FAM234B: variants seen among roughly 807,000 people sequenced by gnomAD.
FAM234B encodes the protein protein FAM234B.
A neutral mutation model predicts 69.3 loss-of-function variants in FAM234B; 33 were observed. The observed-to-expected ratio is 0.48, with a 90% CI of 0.36 to 0.64. The LOEUF is 0.64. Ranked by LOEUF, FAM234B falls within the 30% of genes least tolerant of loss-of-function variation. The pLI is 0.00. For synonymous variants in FAM234B, 306 were observed against 306.9 expected (o/e 1.00, Z 0.03); for missense variants, 697 against 769.7 (o/e 0.91, Z 1.12).
At position 13,055,682 on chromosome 12, in the gene FAM234B, G is replaced by A. The variant is rs1229507582; in HGVS notation, c.169G>A (p.Ala57Thr). 1.9e-6 allele frequency: 3 copies of A among 1,614,252 alleles called. No individual in the cohort carries two copies. The highest frequency in any genetic ancestry group is 2.5e-6 in the Non-Finnish European group (3 of 1,180,040). Reference protein sequence around the residue: ...VKNGKSPLGEAPEPDSDAEVA... With the variant: ...VKNGKSPLGETPEPDSDAEVA... ...AAATGGGAAGAGTCCTTTGGGAGAAGCGCCAGAACCCGACTCAGATGCTGA... is the reference window on the plus strand; with the variant it reads ...AAATGGGAAGAGTCCTTTGGGAGAAACGCCAGAACCCGACTCAGATGCTGA... Residue 57 changes from alanine (A) to threonine (T), a missense_variant, in exon 2 of 13, where the codon GCG (alanine) becomes ACG (threonine). Transcript: ENST00000197268.
At position 13,080,640 on chromosome 12, in the gene FAM234B, A is replaced by C. The variant is rs138781360; in HGVS notation, c.*10A>C. 3.1e-6 allele frequency: 5 copies of C among 1,604,142 alleles called. No individual in the cohort carries two copies. The Admixed American group carries it at 8.3e-5, about 27-fold the overall frequency. On this transcript the variant is annotated 3_prime_UTR_variant, in exon 13 of 13. Transcript: ENST00000197268. ...TTTTCCATAGATCTAATCTGATGGAATCTTCAGTTGCAGAAGAAGTGAACA... is the reference window on the plus strand; with the variant it reads ...TTTTCCATAGATCTAATCTGATGGACTCTTCAGTTGCAGAAGAAGTGAACA...
At chr12:13,068,470 T>G in intron 8 of FAM234B, 23 bp downstream of exon 8, 1 of 1,610,786 alleles carries the variant, frequency 6.2e-7, no homozygotes, top group Non-Finnish European at 8.5e-7. Context: ...TTCCTTCTTG[T>G]GTTTGCTGTT....
rs377157414 is a variant in FAM234B at position 13,068,651 on chromosome 12, C to G, written c.1308C>G (p.Phe436Leu). 17 of 1,612,564 alleles carry G rather than the reference C, an allele frequency of 1.1e-5. No homozygotes were observed. Among genetic ancestry groups the G allele is most frequent in the Non-Finnish European group, 1.4e-5 (16 of 1,178,810 alleles). The change falls in exon 9 of 13, where the codon TTC (phenylalanine) becomes TTG (leucine). Residue 436 changes from phenylalanine to leucine, a missense_variant. Physicochemically the swap from Phe to Leu is conservative, Grantham distance 22 (BLOSUM62 0). This residue lies in a region of FAM234B where 313 missense variants were observed against 305.5 expected (regional missense o/e 1.02). Transcript: ENST00000197268. ...GCAGCCAGCCTACTCCTGGATATTT[C>G]ACTGATGATCAGACATTAGATTTCC... ...GLRSQPTPGY[F>L]TDDQTLDFLL... is the part of the protein sequence containing the mutation.
Position 13,044,976 on chromosome 12 carries a change from A to G in FAM234B, c.37+536A>G, listed in dbSNP as rs1864790209. Reference sequence around the variant, plus strand: ...AAATGAGAGTTATTTGGCTAAGTGAATTGTCCAAGGTCTCACAAGTATTGG... The same window carrying G: ...AAATGAGAGTTATTTGGCTAAGTGAGTTGTCCAAGGTCTCACAAGTATTGG... On this transcript the variant is annotated intron_variant, in intron 1 of 12. Transcript: ENST00000197268. This position sits in a 1 kb window ranked among gnomAD's most constrained non-coding sequence, Gnocchi z 5.6. Among the ~76,000 whole-genome samples the G allele has an allele frequency of 6.6e-6, 1 of 152,170 alleles. No homozygotes were observed. The highest frequency in any genetic ancestry group is 2.4e-5 in the African/African-American group (1 of 41,446).
At chr12:13,054,932 G>C (rs1864913027) in intron 1 of FAM234B, among the ~76,000 whole-genome samples, 1 of 152,164 alleles carries the variant, frequency 6.6e-6, no homozygotes, top group African/African-American at 2.4e-5. Context: ...GCAGTTTTTG[G>C]GGTAAACACT....
chr12:13,058,447 A>G lies in FAM234B; in HGVS notation c.434-4A>G. On this transcript the variant is annotated splice_polypyrimidine_tract_variant and splice_region_variant and intron_variant, in intron 2 of 12. Transcript: ENST00000197268. Reference sequence around the variant, plus strand: ...ACCTTTTTGGTTTTTTATGTGTATAACAGGTGGGGACCTGTCTCCATTGGA... The same window carrying G: ...ACCTTTTTGGTTTTTTATGTGTATAGCAGGTGGGGACCTGTCTCCATTGGA... The G allele has an allele frequency of 6.2e-7, 1 of 1,613,700 alleles. No individual in the cohort carries two copies. The highest frequency in any genetic ancestry group is 8.5e-7 in the Non-Finnish European group (1 of 1,179,674).
chr12:13,066,088 C>A (rs1397028126), intron 5 of FAM234B, among the ~76,000 whole-genome samples: 1 of 152,180 alleles, frequency 6.6e-6, no homozygotes, highest in South Asian at 2.1e-4. Flanking sequence ...TGCTTTCACA[C>A]AAGAACAGCA....
Position 13,075,938 on chromosome 12 carries a change from A to G in FAM234B, c.1525-88A>G, listed in dbSNP as rs869369. The G allele has an allele frequency of 1.1e-3, 1,044 of 944,714 alleles. 14 individuals carry two copies. In the South Asian group the frequency reaches 0.013, roughly 12 times the overall value. The allele number at this position is 944,714 out of a possible 1,614,324, so 58.5% of individuals were successfully genotyped here. ...CATCTGAGAGGAATGAGTAATCACC[A>G]TTTTCTACTCTGCCTTTTCACCTGA... On this transcript the variant is annotated intron_variant, in intron 10 of 12. Transcript: ENST00000197268.
Position 13,053,400 on chromosome 12 carries a change from G to C in FAM234B, c.38-2151G>C, listed in dbSNP as rs552204227. 1.3e-4 allele frequency among the ~76,000 whole-genome samples: 20 copies of C among 152,128 alleles called. No homozygotes were observed. In the South Asian group the frequency reaches 2.1e-3, roughly 16 times the overall value. ...AACCAGCCCCCAATATTTCAACGTA[G>C]GTTCTTTCTATTTTCCTTAAGTGTT... On this transcript the variant is annotated intron_variant, in intron 1 of 12. Transcript: ENST00000197268.
At chr12:13,063,039 C>G in intron 5 of FAM234B, 64 bp downstream of exon 5, 1 of 1,536,670 alleles carries the variant, frequency 6.5e-7, no homozygotes, top group Non-Finnish European at 9.0e-7. Context: ...GTTGTCTCAG[C>G]TCCTAGTGTT....
At chr12:13,053,644 CAAAGTTAG>C (rs1369218495) in intron 1 of FAM234B, among the ~76,000 whole-genome samples, 2 of 152,082 alleles carry the variant, frequency 1.3e-5, no homozygotes, top group Non-Finnish European at 2.9e-5. Flanking sequence ...AAGGCAAAGG[CAAAGTTAG>C]AATTACTGAT....
intron 5 of FAM234B, among the ~76,000 whole-genome samples, 180 bp from the exon 6 acceptor site, chr12:13,066,460 T>G (rs1865037171): frequency 6.6e-6 from 1 of 152,228 alleles, no homozygotes; most frequent in African/African-American, 2.4e-5. Flanking sequence ...ATGGGACATT[T>G]GCTTCACTTG....
chr12:13,046,145 C>T (rs776494356), intron 1 of FAM234B, among the ~76,000 whole-genome samples: 11 of 93,612 alleles, frequency 1.2e-4, no homozygotes, highest in East Asian at 7.2e-4. Flanking sequence ...AGAAAATGTT[C>T]ACTTGCGTCT....
rs747138323 is a variant in FAM234B, at chr12:13,067,405, GA to G, written c.1142+112del. The G allele has an allele frequency of 3.0e-5, 34 of 1,119,070 alleles. No individual in the cohort carries two copies. The highest frequency in any genetic ancestry group is 4.4e-5 in the Non-Finnish European group (34 of 764,460). 69.3% of individuals were successfully genotyped at this position (1,119,070 alleles called of 1,614,324 possible). On this transcript the variant is annotated intron_variant, in intron 7 of 12. Transcript: ENST00000197268. This position sits in a 1 kb window ranked among gnomAD's most constrained non-coding sequence, Gnocchi z 4.7. Reference sequence around the variant, plus strand: ...TGAATATGTGGGTAGAGGTTTAGGGGAAACAGTGCTTATCTTAATTTACCAT... The same window carrying G: ...TGAATATGTGGGTAGAGGTTTAGGGGAACAGTGCTTATCTTAATTTACCAT...
chr12:13,078,962 G>A (rs1232244457), intron 11 of FAM234B, among the ~76,000 whole-genome samples: 2 of 149,202 alleles, frequency 1.3e-5, no homozygotes, highest in Non-Finnish European at 3.0e-5. Flanking sequence ...TGGCCATACT[G>A]CCCAAGGTAA....
At chr12:13,062,997 T>A (rs1444670398) in intron 5 of FAM234B, 22 bp downstream of exon 5, 2 of 1,612,408 alleles carry the variant, frequency 1.2e-6, no homozygotes, top group Non-Finnish European at 1.7e-6. Flanking sequence ...ATTAAATGTT[T>A]TTTGTTTCTT....
At chr12:13,046,493 T>A (rs1304492351) in intron 1 of FAM234B, among the ~76,000 whole-genome samples, 1 of 152,064 alleles carries the variant, frequency 6.6e-6, no homozygotes, top group Non-Finnish European at 1.5e-5. Flanking sequence ...GGAGTTTTGC[T>A]CTTCTTGCCC....
intron 9 of FAM234B, among the ~76,000 whole-genome samples, chr12:13,070,199 ATATATATATATAAAATG>A (rs1865090118): frequency 6.9e-6 from 1 of 145,358 alleles, no homozygotes; most frequent in Admixed American, 6.9e-5. Context: ...ATATATATAT[ATATATATATATAAAATG>A]AAATATGTGT....
intron 3 of FAM234B, among the ~76,000 whole-genome samples, chr12:13,060,009 A>C (rs530051869): frequency 6.6e-6 from 1 of 152,330 alleles, no homozygotes; most frequent in African/African-American, 2.4e-5. Flanking sequence ...GGTGCTTTCT[A>C]TGTGTTAATA....
Sources: gnomAD v4.1 joint callset for allele counts (sites outside exome capture counted in the v4.1 genomes callset) on GRCh38, gnomAD v4.1.1 for gene constraint, gnomAD v4.1.1 regional missense constraint, Gnocchi (gnomAD v3.1) non-coding constraint, MANE v1.5 for transcripts, NCBI Gene and HGNC (gene_info 2026-07-23, HGNC 2026-07-21) for gene names.